ITGB5: variants seen among roughly 807,000 people sequenced by gnomAD.
ITGB5 encodes integrin subunit beta 5, also known as integrin beta-5.
In ITGB5, 38 loss-of-function variants were observed where a neutral mutation model predicts 84.8. The observed-to-expected ratio is 0.45, with a 90% CI of 0.35 to 0.59. The LOEUF (loss-of-function observed/expected upper bound fraction) is 0.59. Among genes scored for constraint, ITGB5 ranks in the 20% least tolerant of loss-of-function variants. ITGB5 has a pLI of 0.01. For synonymous variants in ITGB5, 393 were observed against 414.4 expected (o/e 0.95, Z 0.63); for missense variants, 905 against 1,034.5 (o/e 0.87, Z 1.72).
intron 11 of ITGB5, 31 bp from the exon 12 acceptor site, chr3:124,769,144 C>T (rs777953661): frequency 8.2e-6 from 13 of 1,584,224 alleles, no homozygotes; most frequent in African/African-American, 1.3e-5. Flanking sequence ...AGGTGGGTGT[C>T]AGATAATGTA....
intron 5 of ITGB5, among the ~76,000 whole-genome samples, chr3:124,826,090 A>G (rs2064781627): frequency 6.6e-6 from 1 of 152,220 alleles, no homozygotes; most frequent in Admixed American, 6.5e-5. Context: ...AGAAACAAGC[A>G]TAACTCTCCA....
chr3:124,783,290 CAAAAAAAAAAAA>C (rs758967509), intron 10 of ITGB5, among the ~76,000 whole-genome samples: 3 of 56,988 alleles, frequency 5.3e-5, no homozygotes, highest in African/African-American at 1.9e-4. Flanking sequence ...GACTCCGTCT[CAAAAAAAAAAAA>C]AAAAAAAAAA....
Position 124,861,495 on chromosome 3 carries a change from T to TATATACACACAC in ITGB5, c.157-2050_157-2049insGTGTGTGTATAT, listed in dbSNP as rs750712591. Among the ~76,000 whole-genome samples, 185 of 111,988 alleles carry TATATACACACAC rather than the reference T, an allele frequency of 1.7e-3. 1 individual carries two copies. The highest frequency in any genetic ancestry group is 5.8e-3 in the African/African-American group (154 of 26,540). 73.5% of individuals were successfully genotyped at this position (111,988 alleles called of 152,430 possible). On this transcript the variant is annotated intron_variant, in intron 2 of 14. Coordinates refer to ENST00000296181, the MANE Select transcript of ITGB5 (RefSeq NM_002213.5). ...ACAAAACAAAACATATATATATATA[T>TATATACACACAC]ACACACACACACACACACACACACA...
chr3:124,825,803 C>T (rs2064777979), intron 5 of ITGB5, among the ~76,000 whole-genome samples: 1 of 152,148 alleles, frequency 6.6e-6, no homozygotes, highest in Non-Finnish European at 1.5e-5. Flanking sequence ...CAATTTTACT[C>T]TGTGTAAATT....
chr3:124,793,283 G>A (rs986183626), intron 10 of ITGB5, among the ~76,000 whole-genome samples: 1 of 152,186 alleles, frequency 6.6e-6, no homozygotes, highest in Non-Finnish European at 1.5e-5. Context: ...CTAGGGTGAA[G>A]ACATACCAGA....
chr3:124,798,504 C>T (rs1454697515), intron 9 of ITGB5, among the ~76,000 whole-genome samples: 1 of 152,166 alleles, frequency 6.6e-6, no homozygotes, highest in East Asian at 1.9e-4. Context: ...ACTGCAGCCT[C>T]TGCCTCCCAG....
intron 12 of ITGB5, among the ~76,000 whole-genome samples, chr3:124,768,084 A>G (rs1374818279): frequency 1.3e-5 from 2 of 152,170 alleles, no homozygotes; most frequent in Non-Finnish European, 2.9e-5. Flanking sequence ...AAACCCTCAG[A>G]AGCCGTGACT....
chr3:124,891,503 G>C (rs1935000582), upstream of ITGB5, among the ~76,000 whole-genome samples: 1 of 150,202 alleles, frequency 6.7e-6, no homozygotes, highest in African/African-American at 2.5e-5. Context: ...AACATAGGGA[G>C]ACTGAGGAGA....
chr3:124,803,636 C>T (rs1057367261), intron 9 of ITGB5, among the ~76,000 whole-genome samples: 2 of 152,194 alleles, frequency 1.3e-5, no homozygotes, highest in South Asian at 2.1e-4. Context: ...GGGCAAGTCA[C>T]GCTCATCCTC....
At chr3:124,848,204 C>T in intron 4 of ITGB5, 105 bp downstream of exon 4, 1 of 1,344,608 alleles carries the variant, frequency 7.4e-7, no homozygotes, top group South Asian at 1.4e-5. Flanking sequence ...AGCCTGGCCA[C>T]CCCTCCTAAC....
rs184493458 is a variant in ITGB5 at position 124,866,171 on chromosome 3, T to C, written c.157-6725A>G. Among the ~76,000 whole-genome samples, 5 of 152,048 alleles carry C rather than the reference T, an allele frequency of 3.3e-5. 1 individual carries two copies. Among genetic ancestry groups the C allele is most frequent in the African/African-American group, 7.2e-5 (3 of 41,452 alleles). ...CTAATTTTTGTATTTTTAGTAGAGA[T>C]GGGGTTTCACCATGTTGGCCAGGCT... On this transcript the variant is annotated intron_variant, in intron 2 of 14. Coordinates refer to ENST00000296181, the MANE Select transcript of ITGB5 (RefSeq NM_002213.5).
intron 1 of ITGB5, chr3:124,901,194 C>T (rs1279926188): frequency 2.0e-5 from 3 of 152,220 alleles, no homozygotes; most frequent in African/African-American, 4.8e-5. Flanking sequence ...GGGTTCAAGA[C>T]CAGCTTGGCC....
chr3:124,804,299 G>T (rs1277859220), intron 9 of ITGB5, among the ~76,000 whole-genome samples: 1 of 152,154 alleles, frequency 6.6e-6, no homozygotes, highest in Non-Finnish European at 1.5e-5. Flanking sequence ...CGAGGCAGGA[G>T]GATCACTTGA....
chr3:124,766,387 C>T (rs1427168657), intron 12 of ITGB5, 42 bp from the exon 13 acceptor site: 1 of 1,605,508 alleles, frequency 6.2e-7, no homozygotes. Context: ...TCTCTCTGAG[C>T]AGCCCACAGC....
chr3:124,773,616 C>G, intron 11 of ITGB5, 74 bp downstream of exon 11: 1 of 1,453,206 alleles, frequency 6.9e-7, no homozygotes, highest in Non-Finnish European at 9.5e-7. Flanking sequence ...CTAGCCGGCC[C>G]TGAGGGCTGC....
intron 10 of ITGB5, among the ~76,000 whole-genome samples, chr3:124,775,230 A>G (rs930764745): frequency 2.6e-5 from 4 of 151,516 alleles, no homozygotes; most frequent in African/African-American, 9.8e-5. Context: ...GTGAGTGTGT[A>G]TGAGTGTGTG....
At chr3:124,862,105 G>C (rs1043710802) in intron 2 of ITGB5, 1 of 152,318 alleles carries the variant, frequency 6.6e-6, no homozygotes, top group Non-Finnish European at 1.5e-5. Context: ...TACTCTGCTA[G>C]AGAATTTCTG....
intron 10 of ITGB5, among the ~76,000 whole-genome samples, chr3:124,774,384 A>T (rs1489507602): frequency 6.6e-6 from 1 of 152,094 alleles, no homozygotes; most frequent in East Asian, 1.9e-4. Context: ...TCTGAGAGGG[A>T]GCAAGGGAGA....
chr3:124,864,577 T>C (rs1156450921), intron 2 of ITGB5, among the ~76,000 whole-genome samples: 1 of 152,012 alleles, frequency 6.6e-6, no homozygotes, highest in Non-Finnish European at 1.5e-5. Context: ...GACCTAAACA[T>C]TGAGCACCCA....
Sources: gnomAD v4.1 joint callset for allele counts (sites outside exome capture counted in the v4.1 genomes callset) on GRCh38, gnomAD v4.1.1 for gene constraint, MANE v1.5 for transcripts, NCBI Gene and HGNC (gene_info 2026-07-23, HGNC 2026-07-21) for gene names.